Variants in STK33 observed in about 807,000 individuals in gnomAD.
STK33 encodes serine/threonine kinase 33.
In STK33, 52 loss-of-function variants were observed where a neutral mutation model predicts 58.0. That is an observed-to-expected ratio of 0.90 (90% CI 0.72 to 1.13). The LOEUF is 1.13. Among genes scored for constraint, STK33 ranks in the 50% most tolerant of loss-of-function variants. The pLI, the probability that STK33 is intolerant of heterozygous loss-of-function variation, is 0.00. For synonymous variants in STK33, 215 were observed against 200.1 expected (o/e 1.07, Z -0.63); for missense variants, 630 against 604.2 (o/e 1.04, Z -0.45).
At chr11:8,494,820 A>C (rs2138855880) in intron 1 of STK33, among the ~76,000 whole-genome samples, 1 of 152,352 alleles carries the variant, frequency 6.6e-6, no homozygotes, top group Non-Finnish European at 1.5e-5. Context: ...TCTTTGACAA[A>C]CCTGACAAAA....
At chr11:8,578,279 C>T (rs943259720) in intron 1 of STK33, among the ~76,000 whole-genome samples, 2 of 152,050 alleles carry the variant, frequency 1.3e-5, no homozygotes, top group South Asian at 4.1e-4. Context: ...AGTGAATTTA[C>T]ACATGTACAA....
At chr11:8,437,254 C>T (rs1944190808) in intron 12 of STK33, among the ~76,000 whole-genome samples, 1 of 152,160 alleles carries the variant, frequency 6.6e-6, no homozygotes. Context: ...TACCTTTAGA[C>T]TCTTAATAGA....
intron 1 of STK33, among the ~76,000 whole-genome samples, chr11:8,566,972 C>G (rs1957491301): frequency 1.3e-5 from 2 of 151,998 alleles, no homozygotes; most frequent in Non-Finnish European, 2.9e-5. Context: ...AACCCCAACT[C>G]TACTGAAAAT....
intron 8 of STK33, among the ~76,000 whole-genome samples, chr11:8,460,784 G>T (rs1273401135): frequency 6.6e-6 from 1 of 152,106 alleles, no homozygotes; most frequent in Non-Finnish European, 1.5e-5. Context: ...GAAGATTTGG[G>T]GATAAAAGAA....
the STK33 span, among the ~76,000 whole-genome samples, chr11:8,344,678 G>C: frequency 6.6e-6 from 1 of 152,192 alleles, no homozygotes; most frequent in East Asian, 1.9e-4. Context: ...CATAGGTTTA[G>C]GTGTCAGTTA....
chr11:8,490,047 T>C (rs537696574), intron 1 of STK33, among the ~76,000 whole-genome samples: 1 of 152,256 alleles, frequency 6.6e-6, no homozygotes, highest in East Asian at 1.9e-4. Context: ...AGGTACCTGG[T>C]TCATCTCATT....
intron 1 of STK33, among the ~76,000 whole-genome samples, chr11:8,495,348 AT>A (rs1480202091): frequency 1.8e-4 from 27 of 152,212 alleles, no homozygotes; most frequent in African/African-American, 6.5e-4. Flanking sequence ...ATGAAAAAAA[AT>A]CTCATCATCA....
chr11:8,433,437 T>A (rs1943651924), intron 14 of STK33, among the ~76,000 whole-genome samples: 1 of 152,234 alleles, frequency 6.6e-6, no homozygotes. Context: ...TCCTTATTTA[T>A]CTTTTCAGCC....
intron 1 of STK33, among the ~76,000 whole-genome samples, chr11:8,537,564 A>G (rs978064474): frequency 1.3e-4 from 20 of 152,136 alleles, no homozygotes; most frequent in Non-Finnish European, 2.1e-4. Context: ...TTTTGGTATG[A>G]TAAGTGATTT....
At chr11:8,367,523 C>T in the STK33 span, among the ~76,000 whole-genome samples, 3 of 152,210 alleles carry the variant, frequency 2.0e-5, no homozygotes, top group African/African-American at 7.2e-5. Context: ...GGACCTGATG[C>T]TGCCTGAACT....
At chr11:8,505,356 G>C (rs1219797946) in intron 1 of STK33, among the ~76,000 whole-genome samples, 1 of 152,144 alleles carries the variant, frequency 6.6e-6, no homozygotes, top group Non-Finnish European at 1.5e-5. Flanking sequence ...GGCATGTATC[G>C]AAACTGTTCA....
At chr11:8,487,969 C>T (rs1365838770) in intron 1 of STK33, among the ~76,000 whole-genome samples, 1 of 152,202 alleles carries the variant, frequency 6.6e-6, no homozygotes, top group Non-Finnish European at 1.5e-5. Context: ...CTCTGACTCC[C>T]TTATCTCCAC....
intron 14 of STK33, among the ~76,000 whole-genome samples, chr11:8,424,560 T>C (rs1194587054): frequency 2.6e-4 from 40 of 151,772 alleles, no homozygotes; most frequent in Non-Finnish European, 1.8e-4. Context: ...TGAGGAATCA[T>C]CACACTGACT....
rs149798299 is a variant in STK33, at chr11:8,473,168, T to A, written c.334A>T (p.Ile112Phe). ...TTCATTTGCTTTCTATATACCTCAA[T>A]AGCAGCTCCATTCTCAATCCTTATG... ...PHIRIENGAA[I>F]EEIYTFGRIL... Residue 112 changes from isoleucine to phenylalanine, a missense_variant, in exon 6 of 16, where the codon ATT becomes TTT. Transcript: ENST00000687296. The A allele has an allele frequency of 2.1e-5, 34 of 1,609,302 alleles. 1 individual carries two copies. The South Asian group carries it at 3.5e-4, about 17-fold the overall frequency.
chr11:8,537,341 C>G (rs964644086), intron 1 of STK33, among the ~76,000 whole-genome samples: 2 of 152,084 alleles, frequency 1.3e-5, no homozygotes, highest in Admixed American at 1.3e-4. Context: ...CCTCCCACCT[C>G]AGCCTCCCAA....
rs551629890 is a variant in STK33 at position 8,439,869 on chromosome 11, TTATA to T, written c.947+805_947+808del. On this transcript the variant is annotated intron_variant, in intron 12 of 15. Coordinates refer to ENST00000687296, the MANE Select transcript of STK33 (RefSeq NM_001352389.2). ...AGATTACATATATATTATATTATAA[TTATA>T]TATATATATATATCAGAGGCTTTTA... 2.4e-4 allele frequency among the ~76,000 whole-genome samples: 26 copies of T among 107,256 alleles called. 2 individuals are homozygous for T. The highest frequency in any genetic ancestry group is 7.9e-4 in the African/African-American group (23 of 29,154). The allele number at this position is 107,256 out of a possible 152,430, so 70.4% of individuals were successfully genotyped here.
chr11:8,529,965 C>A (rs1255343079), intron 1 of STK33, among the ~76,000 whole-genome samples: 1 of 152,048 alleles, frequency 6.6e-6, no homozygotes, highest in Non-Finnish European at 1.5e-5. Flanking sequence ...TATATTCCCC[C>A]AAAAAACAGA....
At chr11:8,558,578 AAAG>A (rs1369984307) in intron 1 of STK33, among the ~76,000 whole-genome samples, 2 of 152,198 alleles carry the variant, frequency 1.3e-5, no homozygotes, top group Non-Finnish European at 2.9e-5. Context: ...AGGGTGCCAG[AAAG>A]AAGGTTATCT....
chr11:8,453,810 A>G (rs2136987957), intron 10 of STK33, among the ~76,000 whole-genome samples: 1 of 152,360 alleles, frequency 6.6e-6, no homozygotes, highest in East Asian at 1.9e-4. Flanking sequence ...CCATTTTTCT[A>G]AACAGATGAA....
Sources: gnomAD v4.1 joint callset for allele counts (sites outside exome capture counted in the v4.1 genomes callset) on GRCh38, gnomAD v4.1.1 for gene constraint, MANE v1.5 for transcripts, NCBI Gene and HGNC (gene_info 2026-07-23, HGNC 2026-07-21) for gene names.